The following MALRD1 variants were observed in gnomAD, a reference collection of about 807,000 sequenced individuals.
The protein encoded by MALRD1 is MAM and LDL receptor class A domain containing 1.
Under a neutral mutation model 242.1 loss-of-function variants are expected in MALRD1, and 247 were observed. The ratio of observed to expected loss-of-function variants is 1.02; its 90% CI spans 0.92 to 1.13. MALRD1 has a LOEUF of 1.13. Among genes scored for constraint, MALRD1 ranks in the 50% most tolerant of loss-of-function variants. The pLI, the probability that MALRD1 is intolerant of heterozygous loss-of-function variation, is 0.00. For synonymous variants in MALRD1, 995 were observed against 866.6 expected (o/e 1.15, Z -2.60); for missense variants, 2,989 against 2,533.1 (o/e 1.18, Z -3.86).
intron 21 of MALRD1, among the ~76,000 whole-genome samples, chr10:19,305,870 T>TTATATAATA (rs1192753395): frequency 1.5e-5 from 2 of 131,874 alleles, no homozygotes; most frequent in African/African-American, 5.8e-5. Flanking sequence ...ATACTATATA[T>TTATATAATA]TATATAATAT....
intron 2 of MALRD1, among the ~76,000 whole-genome samples, 175 bp from the exon 3 acceptor site, chr10:19,087,665 C>T (rs1384828462): frequency 6.6e-6 from 1 of 151,856 alleles, no homozygotes; most frequent in Non-Finnish European, 1.5e-5. Context: ...ATGGGGTATC[C>T]ATCCCCTAAG....
chr10:19,472,200 C>T (rs962015771), intron 29 of MALRD1, among the ~76,000 whole-genome samples: 7 of 152,040 alleles, frequency 4.6e-5, no homozygotes, highest in African/African-American at 1.7e-4. Flanking sequence ...TGGTGTACCA[C>T]ATTTCTTGAT....
At position 19,481,259 on chromosome 10, in the gene MALRD1, T is replaced by C. The variant is rs1053881862; in HGVS notation, c.5030-10258T>C. 6.6e-5 allele frequency among the ~76,000 whole-genome samples: 10 copies of C among 152,286 alleles called. No individual in the cohort carries two copies. The East Asian group carries it at 1.9e-3, about 29-fold the overall frequency. On this transcript the variant is annotated intron_variant, in intron 29 of 39. Coordinates refer to ENST00000454679, the MANE Select transcript of MALRD1 (RefSeq NM_001142308.3). Reference sequence around the variant, plus strand: ...GATAATTTTGATGCAAACTGAAGTTTGCTGTCACTGAGATCACTAAGGTTA... The same window carrying C: ...GATAATTTTGATGCAAACTGAAGTTCGCTGTCACTGAGATCACTAAGGTTA...
intron 36 of MALRD1, among the ~76,000 whole-genome samples, chr10:19,623,049 A>G (rs976257611): frequency 3.9e-5 from 6 of 152,080 alleles, no homozygotes; most frequent in South Asian, 2.1e-4. Context: ...CATACACACT[A>G]TAGAAATAAG....
Position 19,087,912 on chromosome 10 carries a change from C to A in MALRD1, c.413C>A (p.Thr138Lys), listed in dbSNP as rs963281026. 181 of 1,232,540 alleles carry A rather than the reference C, an allele frequency of 1.5e-4. No homozygotes were observed. The highest frequency in any genetic ancestry group is 1.8e-4 in the Non-Finnish European group (175 of 987,472). 76.4% of individuals were successfully genotyped at this position (1,232,540 alleles called of 1,614,324 possible). Residue 138 changes from threonine to lysine, a missense_variant, in exon 3 of 40, where the codon ACA (threonine) becomes AAA (lysine). Coordinates refer to ENST00000454679, the MANE Select transcript of MALRD1 (RefSeq NM_001142308.3). ...SSLRSRVFLP[T>K]NDQHDCQITF... ...TTAAGAAGCAGAGTTTTCCTTCCAA[C>A]AAATGATCAACATGACTGCCAGGTA...
chr10:19,635,010 C>G (rs1483784158), intron 36 of MALRD1, among the ~76,000 whole-genome samples: 1 of 152,132 alleles, frequency 6.6e-6, no homozygotes, highest in Admixed American at 6.5e-5. Flanking sequence ...TTTTCCAGAA[C>G]TGAATATTTG....
intron 14 of MALRD1, among the ~76,000 whole-genome samples, chr10:19,193,620 A>G (rs915644971): frequency 2.6e-5 from 4 of 152,190 alleles, no homozygotes; most frequent in African/African-American, 9.6e-5. Flanking sequence ...TATTAATGCA[A>G]TTGCACTTGA....
chr10:19,346,672 G>C (rs1844139287), intron 24 of MALRD1, among the ~76,000 whole-genome samples: 1 of 151,910 alleles, frequency 6.6e-6, no homozygotes, highest in Non-Finnish European at 1.5e-5. Flanking sequence ...TTGTTTTTGA[G>C]ATGGAGTCTC....
At chr10:19,242,492 A>T (rs986975391) in intron 18 of MALRD1, among the ~76,000 whole-genome samples, 2 of 152,226 alleles carry the variant, frequency 1.3e-5, no homozygotes. Context: ...CTCTTCAGAT[A>T]ATCTGTCCAT....
intron 13 of MALRD1, among the ~76,000 whole-genome samples, chr10:19,174,965 G>A (rs1454542941): frequency 6.6e-6 from 1 of 152,028 alleles, no homozygotes. Context: ...CCCTTCACTC[G>A]TGATGAATGT....
At chr10:19,516,716 A>ACCTC (rs10680551) in intron 31 of MALRD1, among the ~76,000 whole-genome samples, 33,251 of 121,060 alleles carry the variant, frequency 0.27, 6,216 homozygotes, top group African/African-American at 0.57. Context: ...TCCCTTGCTT[A>ACCTC]CCTCCCTCCC....
intron 29 of MALRD1, among the ~76,000 whole-genome samples, chr10:19,467,861 T>C (rs1288305480): frequency 6.6e-6 from 1 of 152,092 alleles, no homozygotes; most frequent in Non-Finnish European, 1.5e-5. Flanking sequence ...TGGCACGATC[T>C]CGGCTCACTG....
intron 19 of MALRD1, among the ~76,000 whole-genome samples, chr10:19,277,263 C>T (rs1840576169): frequency 6.6e-6 from 1 of 152,096 alleles, no homozygotes. Context: ...GACTCCTCTT[C>T]TATATTTTAT....
intron 5 of MALRD1, among the ~76,000 whole-genome samples, chr10:19,110,291 G>C (rs967979581): frequency 1.3e-5 from 2 of 152,140 alleles, no homozygotes; most frequent in Middle Eastern, 3.2e-3. Flanking sequence ...GATGTTTCTT[G>C]CCACATAGAC....
chr10:19,352,076 A>G lies in MALRD1; in HGVS notation c.4220A>G (p.Asn1407Ser), dbSNP rs552537313. The change falls in exon 26 of 40, where the codon AAC (asparagine) becomes AGC (serine). Residue 1407 changes from asparagine (N) to serine (S), a missense_variant. Asn to Ser is a conservative substitution (Grantham distance 46). Transcript: ENST00000454679. The stretch of plus-strand genomic sequence containing the variant: ...ACCTTAATGCAGGTGTCAGTCACAA[A>G]CCAAACGAAGGTTCTACTTAACCTC... ...ALTLMQVSVTNQTKVLLNLTV... is the reference protein window; with the variant it reads ...ALTLMQVSVTSQTKVLLNLTV... The G allele has an allele frequency of 6.4e-7, 1 of 1,550,498 alleles. No homozygotes were observed. Among genetic ancestry groups the G allele is most frequent in the East Asian group, 2.4e-5 (1 of 40,912 alleles).
chr10:19,411,287 T>A (rs192840174), intron 28 of MALRD1, among the ~76,000 whole-genome samples: 1 of 152,328 alleles, frequency 6.6e-6, no homozygotes, highest in East Asian at 1.9e-4. Context: ...GTTGGGTTTG[T>A]GAATACATAT....
chr10:19,451,557 T>C (rs1259115071), intron 29 of MALRD1, among the ~76,000 whole-genome samples: 1 of 152,214 alleles, frequency 6.6e-6, no homozygotes, highest in South Asian at 2.1e-4. Context: ...GTGAAAGATA[T>C]GCCTTCTGTG....
chr10:19,248,219 C>G (rs1474088559), intron 18 of MALRD1, among the ~76,000 whole-genome samples: 1 of 151,706 alleles, frequency 6.6e-6, no homozygotes, highest in Non-Finnish European at 1.5e-5. Flanking sequence ...AAGCTTTAGG[C>G]CAAATTTAAT....
At chr10:19,126,477 G>A (rs1038361808) in intron 7 of MALRD1, among the ~76,000 whole-genome samples, 1 of 151,922 alleles carries the variant, frequency 6.6e-6, no homozygotes, top group Non-Finnish European at 1.5e-5. Flanking sequence ...GCCAGTCTAG[G>A]TTATATTCTG....
Sources: allele counts gnomAD v4.1 joint callset (sites outside exome capture counted in the v4.1 genomes callset), GRCh38; gene constraint gnomAD v4.1.1; transcripts MANE v1.5; gene names NCBI Gene and HGNC (gene_info 2026-07-23, HGNC 2026-07-21).